CSMD1: variants seen among roughly 807,000 people sequenced by gnomAD.
CSMD1 encodes the protein CUB and Sushi multiple domains 1.
CSMD1 carries 213 observed loss-of-function variants against 417.5 expected under a neutral mutation model. The observed-to-expected ratio is 0.51, with a 90% CI of 0.46 to 0.57. The LOEUF is 0.57. Among genes scored for constraint, CSMD1 ranks in the 20% least tolerant of loss-of-function variants. CSMD1 has a pLI of 0.00. For synonymous variants in CSMD1, 2,862 were observed against 1,736.8 expected (o/e 1.65, Z -16.11); for missense variants, 6,923 against 4,529.7 (o/e 1.53, Z -15.17).
chr8:4,938,112 G>C (rs962260613), intron 1 of CSMD1, among the ~76,000 whole-genome samples: 2 of 152,048 alleles, frequency 1.3e-5, no homozygotes, highest in Non-Finnish European at 2.9e-5. Flanking sequence ...AGAATTTTAA[G>C]TTAATAATTA....
At chr8:3,306,855 T>G (rs961254190) in intron 25 of CSMD1, among the ~76,000 whole-genome samples, 4 of 141,092 alleles carry the variant, frequency 2.8e-5, no homozygotes, top group African/African-American at 9.9e-5. Flanking sequence ...AGAGCTTACT[T>G]TAAAAATATT....
At chr8:4,228,937 G>A (rs953756512) in intron 3 of CSMD1, among the ~76,000 whole-genome samples, 1 of 152,048 alleles carries the variant, frequency 6.6e-6, no homozygotes, top group African/African-American at 2.4e-5. Flanking sequence ...AAAGTGCTGG[G>A]ATTACAGGAG....
chr8:4,549,658 G>T (rs534783560), intron 2 of CSMD1, among the ~76,000 whole-genome samples: 1 of 152,036 alleles, frequency 6.6e-6, no homozygotes, highest in Non-Finnish European at 1.5e-5. Flanking sequence ...GGAGGCTGAG[G>T]CAGGAAGATC....
intron 5 of CSMD1, among the ~76,000 whole-genome samples, chr8:3,977,715 T>A (rs989575585): frequency 6.6e-6 from 1 of 152,204 alleles, no homozygotes; most frequent in Non-Finnish European, 1.5e-5. Context: ...CATAGATGCC[T>A]GGAAATGAAA....
At chr8:3,569,743 A>T (rs1054454373) in intron 10 of CSMD1, among the ~76,000 whole-genome samples, 6 of 152,218 alleles carry the variant, frequency 3.9e-5, no homozygotes, top group South Asian at 2.1e-4. Context: ...AATTAAGCCT[A>T]ATTATACTTA....
intron 3 of CSMD1, among the ~76,000 whole-genome samples, chr8:4,417,482 T>C (rs1797007832): frequency 6.6e-6 from 1 of 152,184 alleles, no homozygotes; most frequent in East Asian, 1.9e-4. Context: ...TATGCAGCAG[T>C]CTGTTAATAC....
intron 1 of CSMD1, among the ~76,000 whole-genome samples, chr8:4,884,573 C>G (rs936245883): frequency 6.6e-6 from 1 of 151,984 alleles, no homozygotes; most frequent in African/African-American, 2.4e-5. Flanking sequence ...TGGGCTTCGA[C>G]TTCATCACTT....
In CSMD1 at chr8:3,899,028, C is replaced by T. The variant is rs188288157; in HGVS notation, c.818+98875G>A. ...TGTGCTAGAAGCCACAAAGGTCGTA[C>T]GCGTCCAGGAAAAGAAAACAATTGA... On this transcript the variant is annotated intron_variant, in intron 5 of 69. Coordinates refer to ENST00000635120, the MANE Select transcript of CSMD1 (RefSeq NM_033225.6). Among the ~76,000 whole-genome samples, 21 of 152,132 alleles carry T rather than the reference C, an allele frequency of 1.4e-4. No individual in the cohort carries two copies. In the East Asian group the frequency reaches 3.5e-3, roughly 25 times the overall value.
chr8:4,687,506 A>G (rs2116744324), intron 1 of CSMD1, among the ~76,000 whole-genome samples: 1 of 152,344 alleles, frequency 6.6e-6, no homozygotes, highest in East Asian at 1.9e-4. Flanking sequence ...ATGCCAGAAG[A>G]CACGATCTCT....
At chr8:3,123,160 G>T (rs1353723941) in intron 41 of CSMD1, among the ~76,000 whole-genome samples, 2 of 152,142 alleles carry the variant, frequency 1.3e-5, no homozygotes, top group Non-Finnish European at 2.9e-5. Context: ...AAAACAGAAA[G>T]CCAGGCCAAA....
rs188022206 is a variant in CSMD1, at chr8:4,434,800, C to T, written c.303-14735G>A. Among the ~76,000 whole-genome samples, 382 of 152,262 alleles carry T rather than the reference C, an allele frequency of 2.5e-3. 3 individuals carry two copies. The highest frequency in any genetic ancestry group is 3.9e-3 in the Admixed American group (60 of 15,286). ...TCCACACTCCAGACCCTGCACCGCC[C>T]ATGAAGCCCTACTTCACCAGGGCTC... On this transcript the variant is annotated intron_variant, in intron 2 of 69. Coordinates refer to ENST00000635120, the MANE Select transcript of CSMD1 (RefSeq NM_033225.6).
intron 3 of CSMD1, among the ~76,000 whole-genome samples, chr8:4,274,135 T>C (rs977806192): frequency 4.6e-5 from 7 of 152,180 alleles, no homozygotes; most frequent in African/African-American, 1.7e-4. Flanking sequence ...ATCTTAGAAG[T>C]GACTCTAATA....
chr8:3,188,069 T>C (rs1796169382), intron 35 of CSMD1, 104 bp from the exon 36 acceptor site: 3 of 445,670 alleles, frequency 6.7e-6, no homozygotes, highest in South Asian at 6.0e-5. Context: ...TATATGTATA[T>C]ATATATACAT....
At chr8:4,284,781 C>T (rs1796970189) in intron 3 of CSMD1, among the ~76,000 whole-genome samples, 1 of 152,038 alleles carries the variant, frequency 6.6e-6, no homozygotes, top group Admixed American at 6.5e-5. Flanking sequence ...TGGCTCTTTC[C>T]AAAAACCACA....
chr8:3,808,950 G>A (rs760418953), intron 5 of CSMD1, among the ~76,000 whole-genome samples: 5 of 152,228 alleles, frequency 3.3e-5, no homozygotes, highest in South Asian at 2.1e-4. Context: ...TAGAGGGGTC[G>A]TTTGCAAGAA....
At chr8:3,862,333 C>A (rs540660640) in intron 5 of CSMD1, among the ~76,000 whole-genome samples, 3 of 152,330 alleles carry the variant, frequency 2.0e-5, no homozygotes, top group Admixed American at 2.0e-4. Context: ...AGGGCGTCCA[C>A]CAGGTGACCT....
At chr8:4,151,890 G>C (rs1250462436) in intron 3 of CSMD1, among the ~76,000 whole-genome samples, 1 of 152,088 alleles carries the variant, frequency 6.6e-6, no homozygotes, top group Non-Finnish European at 1.5e-5. Context: ...TTAAATATTA[G>C]AGGGCAGAGA....
At chr8:3,887,717 G>A (rs918369653) in intron 5 of CSMD1, among the ~76,000 whole-genome samples, 1 of 152,170 alleles carries the variant, frequency 6.6e-6, no homozygotes, top group Non-Finnish European at 1.5e-5. Context: ...GAAGGAAATA[G>A]CTTTGATCTG....
In CSMD1 at chr8:3,691,440, T is replaced by C. The variant is rs558364701; in HGVS notation, c.1009+16974A>G. On this transcript the variant is annotated intron_variant, in intron 7 of 69. Transcript: ENST00000635120. ...AAAAACTGTGTCAATGAAGAGAAGA[T>C]TGGCGCTTCCTTTATGCAACACAGT... 2.3e-4 allele frequency among the ~76,000 whole-genome samples: 35 copies of C among 152,082 alleles called. No individual in the cohort carries two copies. In the South Asian group the frequency reaches 6.9e-3, roughly 30 times the overall value.
Sources: gnomAD v4.1 joint callset for allele counts (sites outside exome capture counted in the v4.1 genomes callset) on GRCh38, gnomAD v4.1.1 for gene constraint, MANE v1.5 for transcripts, NCBI Gene and HGNC (gene_info 2026-07-23, HGNC 2026-07-21) for gene names.